ABCA13: variants seen among roughly 807,000 people sequenced by gnomAD.
The protein encoded by ABCA13 is ATP binding cassette subfamily A member 13.
Under a neutral mutation model 478.7 loss-of-function variants are expected in ABCA13, and 476 were observed. That is an observed-to-expected ratio of 0.99 (90% confidence interval 0.92 to 1.07). The LOEUF (loss-of-function observed/expected upper bound fraction) is 1.07, where lower values mean the gene tolerates loss of function less well. Among genes scored for constraint, ABCA13 ranks in the 50% least tolerant of loss-of-function variants. ABCA13 has a pLI of 0.00. For synonymous variants in ABCA13, 2,252 were observed against 2,158.9 expected (o/e 1.04, Z -1.20); for missense variants, 6,060 against 5,910.6 (o/e 1.03, Z -0.83).
chr7:48,376,673 T>G, intron 35 of ABCA13, 101 bp downstream of exon 35: 1 of 1,316,876 alleles, frequency 7.6e-7, no homozygotes, highest in Non-Finnish European at 1.0e-6. Context: ...TTAAGGAAGA[T>G]CCAGAAAGGG....
chr7:48,233,021 T>A (rs963918451), intron 7 of ABCA13, among the ~76,000 whole-genome samples: 1 of 152,192 alleles, frequency 6.6e-6, no homozygotes, highest in African/African-American at 2.4e-5. Context: ...CTGGTTTTAA[T>A]CTCAGACACC....
chr7:48,472,614 ACT>A (rs1365736153), intron 45 of ABCA13, among the ~76,000 whole-genome samples: 2 of 151,760 alleles, frequency 1.3e-5, no homozygotes, highest in Non-Finnish European at 2.9e-5. Context: ...AAGAGAGAAA[ACT>A]CTCTGCTGCA....
Position 48,594,768 on chromosome 7 carries a change from T to A in ABCA13, c.14699T>A (p.Met4900Lys). The A allele has an allele frequency of 1.2e-6, 2 of 1,613,968 alleles. No individual in the cohort carries two copies. Among genetic ancestry groups the A allele is most frequent in the Non-Finnish European group, 1.7e-6 (2 of 1,179,848 alleles). The change falls in exon 58 of 62, where the codon ATG becomes AAG. Residue 4900 changes from methionine to lysine, a missense_variant. This residue lies in a region of ABCA13 where 1,627 missense variants were observed against 1,571.0 expected (regional missense o/e 1.04). Transcript: ENST00000435803. ...CSKRYLWQTIMKEVREGCAAV... is the reference protein window; with the variant it reads ...CSKRYLWQTIKKEVREGCAAV... The stretch of plus-strand genomic sequence containing the variant: ...AAGCGGTACCTGTGGCAAACAATAA[T>A]GAAGGAGGTTCGGGAAGGCTGTGCT...
At chr7:48,541,373 G>A (rs528684877) in intron 55 of ABCA13, among the ~76,000 whole-genome samples, 10 of 152,142 alleles carry the variant, frequency 6.6e-5, no homozygotes, top group African/African-American at 2.4e-4. Context: ...ATTGAAATTT[G>A]TGGCTCCTGA....
chr7:48,179,301 G>C (rs555365653), intron 1 of ABCA13, among the ~76,000 whole-genome samples: 1 of 152,332 alleles, frequency 6.6e-6, no homozygotes, highest in South Asian at 2.1e-4. Flanking sequence ...CTCGTGAAAA[G>C]CACATTTCTT....
At position 48,279,304 on chromosome 7, in the gene ABCA13, G is replaced by A; in HGVS notation, c.8110G>A (p.Gly2704Ser). 1 of 1,588,322 alleles carries A rather than the reference G, an allele frequency of 6.3e-7. No individual in the cohort carries two copies. Among genetic ancestry groups the A allele is most frequent in the South Asian group, 1.1e-5 (1 of 87,818 alleles). The change falls in exon 18 of 62, where the codon GGC becomes AGC. Residue 2704 changes from glycine to serine, a missense_variant. Transcript: ENST00000435803. Reference sequence around the variant, plus strand: ...CCCTAATCCAATTTCCACTCATAGTGGCCCTCAAGATATAAAATGGGAAAT... The same window carrying A: ...CCCTAATCCAATTTCCACTCATAGTAGCCCTCAAGATATAAAATGGGAAAT... ...LYPNPISTHS[G>S]PQDIKWEIIH... is the part of the protein sequence containing the mutation.
chr7:48,187,459 G>A (rs897874997), intron 1 of ABCA13, among the ~76,000 whole-genome samples: 3 of 151,776 alleles, frequency 2.0e-5, no homozygotes, highest in Admixed American at 2.0e-4. Context: ...TATCTTTGAG[G>A]AATATCGTCA....
intron 35 of ABCA13, among the ~76,000 whole-genome samples, chr7:48,384,323 C>T (rs1814841030): frequency 6.6e-6 from 1 of 152,260 alleles, no homozygotes; most frequent in Admixed American, 6.5e-5. Context: ...CTGGAAGAAA[C>T]TGTGCTTCTT....
intron 32 of ABCA13, among the ~76,000 whole-genome samples, chr7:48,368,150 G>A (rs1239521683): frequency 2.0e-5 from 3 of 152,146 alleles, no homozygotes; most frequent in Non-Finnish European, 4.4e-5. Context: ...ACATGAGATT[G>A]CAAGAACAAA....
chr7:48,508,391 T>A (rs1311479405), intron 50 of ABCA13, among the ~76,000 whole-genome samples: 2 of 152,138 alleles, frequency 1.3e-5, no homozygotes, highest in Non-Finnish European at 2.9e-5. Context: ...TTAGAAATGA[T>A]CTTTCATCTG....
intron 1 of ABCA13, among the ~76,000 whole-genome samples, chr7:48,190,667 A>G (rs1005644130): frequency 1.3e-5 from 2 of 152,216 alleles, no homozygotes; most frequent in Non-Finnish European, 2.9e-5. Context: ...GCAAATTTTC[A>G]TGATGAAGTG....
intron 48 of ABCA13, among the ~76,000 whole-genome samples, chr7:48,490,245 T>TA (rs1489586260): frequency 1.3e-5 from 2 of 152,236 alleles, no homozygotes; most frequent in Non-Finnish European, 1.5e-5. Flanking sequence ...ACAATAGTCA[T>TA]ACAGAGTAGG....
intron 38 of ABCA13, among the ~76,000 whole-genome samples, chr7:48,394,762 T>C (rs535350005): frequency 3.9e-5 from 6 of 152,168 alleles, no homozygotes; most frequent in Non-Finnish European, 7.4e-5. Context: ...TCTTTAGTGG[T>C]GATTTGTGAG....
At chr7:48,174,965 C>T (rs148949476) in intron 1 of ABCA13, among the ~76,000 whole-genome samples, 10,784 of 152,244 alleles carry the variant, frequency 0.071, 462 homozygotes, top group East Asian at 0.15. Context: ...GAAGGACACA[C>T]CTTCTCCTGG....
intron 58 of ABCA13, among the ~76,000 whole-genome samples, chr7:48,598,994 A>G (rs1311654304): frequency 2.6e-5 from 4 of 152,034 alleles, no homozygotes; most frequent in African/African-American, 4.8e-5. Flanking sequence ...TATTTATTGT[A>G]TGATTTATTT....
intron 53 of ABCA13, among the ~76,000 whole-genome samples, chr7:48,523,222 A>G (rs1435334138): frequency 6.6e-6 from 1 of 152,132 alleles, no homozygotes; most frequent in Non-Finnish European, 1.5e-5. Context: ...TAGAATTCTG[A>G]GTATCTAGCT....
In ABCA13 at chr7:48,314,259, T is replaced by G. The variant is rs746106818; in HGVS notation, c.9709T>G (p.Ser3237Ala). ...QVSQNVQARS[S>A]AFGSFQFVMK... is the part of the protein sequence containing the mutation. ...TTCACAAAATGTCCAGGCCAGAAGT[T>G]CAGCTTTTGGTTCTTTCCAGTTTGT... is the stretch of plus-strand genomic sequence containing the variant. The change falls in exon 26 of 62, where the codon TCA becomes GCA. Residue 3237 changes from serine (S) to alanine (A), a missense_variant. Transcript: ENST00000435803. The G allele has an allele frequency of 6.2e-7, 1 of 1,613,364 alleles. No homozygotes were observed. Among genetic ancestry groups the G allele is most frequent in the South Asian group, 1.1e-5 (1 of 90,722 alleles).
At chr7:48,298,343 T>G in intron 22 of ABCA13, 23 bp from the exon 23 acceptor site, 1 of 1,588,722 alleles carries the variant, frequency 6.3e-7, no homozygotes, top group Non-Finnish European at 8.6e-7. Context: ...TTACACAAAT[T>G]TCTTATTTTC....
chr7:48,564,444 A>G (rs1219838148), intron 55 of ABCA13, among the ~76,000 whole-genome samples: 1 of 151,972 alleles, frequency 6.6e-6, no homozygotes, highest in African/African-American at 2.4e-5. Context: ...TTTTTTAATA[A>G]TAATGATTCT....
Sources: gnomAD v4.1 joint callset for allele counts (sites outside exome capture counted in the v4.1 genomes callset) on GRCh38, gnomAD v4.1.1 for gene constraint, gnomAD v4.1.1 regional missense constraint, MANE v1.5 for transcripts, NCBI Gene and HGNC (gene_info 2026-07-23, HGNC 2026-07-21) for gene names.